Variants in FNDC1 observed in about 807,000 individuals in gnomAD.
FNDC1 encodes the protein fibronectin type III domain containing 1.
A neutral mutation model predicts 168.0 loss-of-function variants in FNDC1; 96 were observed. The observed-to-expected ratio is 0.57, with a 90% confidence interval of 0.48 to 0.68. The LOEUF (loss-of-function observed/expected upper bound fraction) is 0.68, where lower values mean the gene tolerates loss of function less well. FNDC1 is among the 30% of genes least tolerant of loss of function. The pLI is 0.00. For synonymous variants in FNDC1, 1,099 were observed against 1,025.9 expected, an observed-to-expected ratio of 1.07 and a Z score of -1.36; for missense variants, 2,587 against 2,482.1, an observed-to-expected ratio of 1.04 and a Z score of -0.90.
chr6:159,255,130 C>G (rs1583915563), intron 17 of FNDC1, among the ~76,000 whole-genome samples: 3 of 152,328 alleles, frequency 2.0e-5, no homozygotes, highest in Admixed American at 2.0e-4. Context: ...AACTGTCTTT[C>G]CCTTTCTTTT....
At chr6:159,225,048 C>T (rs73799339) in intron 7 of FNDC1, among the ~76,000 whole-genome samples, 7,953 of 152,200 alleles carry the variant, frequency 0.052, 728 homozygotes, top group African/African-American at 0.18. Flanking sequence ...CACATGTTCC[C>T]GTTCCTCCTG....
chr6:159,171,978 C>G (rs561212790), intron 1 of FNDC1, among the ~76,000 whole-genome samples: 3 of 152,078 alleles, frequency 2.0e-5, no homozygotes, highest in Non-Finnish European at 2.9e-5. Context: ...GGGTAAACTG[C>G]GGGTGTCTTA....
chr6:159,253,920 G>T (rs1220676487), intron 17 of FNDC1, among the ~76,000 whole-genome samples: 4 of 152,228 alleles, frequency 2.6e-5, no homozygotes, highest in Non-Finnish European at 5.9e-5. Flanking sequence ...CCCCTCTGGG[G>T]TGGGCCATTG....
intron 17 of FNDC1, 130 bp downstream of exon 17, chr6:159,251,662 A>G: frequency 1.3e-6 from 1 of 753,196 alleles, no homozygotes; most frequent in East Asian, 2.7e-5. Context: ...GATGAATGGG[A>G]TGATGGATAG....
At chr6:159,207,281 T>G (rs575796982) in intron 4 of FNDC1, among the ~76,000 whole-genome samples, 4 of 152,286 alleles carry the variant, frequency 2.6e-5, no homozygotes, top group African/African-American at 9.6e-5. Flanking sequence ...TGTGCTTATT[T>G]CAGAGGCTGA....
chr6:159,218,769 G>A (rs1477949578), intron 5 of FNDC1, among the ~76,000 whole-genome samples: 4 of 152,110 alleles, frequency 2.6e-5, no homozygotes, highest in Admixed American at 2.6e-4. Flanking sequence ...GTCAAAGGAG[G>A]CCCCACAGAG....
chr6:159,218,971 G>A (rs1357591901), intron 5 of FNDC1, among the ~76,000 whole-genome samples: 1 of 152,076 alleles, frequency 6.6e-6, no homozygotes, highest in Non-Finnish European at 1.5e-5. Context: ...GGCAAATGTG[G>A]TGGCACTGAC....
Position 159,233,657 on chromosome 6 carries a change from T to C in FNDC1, c.3145T>C (p.Ser1049Pro). 2 of 1,551,782 alleles carry C rather than the reference T, an allele frequency of 1.3e-6. No individual in the cohort carries two copies. Among genetic ancestry groups the C allele is most frequent in the Non-Finnish European group, 1.7e-6 (2 of 1,149,466 alleles). The change falls in exon 11 of 23, where the codon TCC becomes CCC. Residue 1049 changes from serine to proline, a missense_variant. Coordinates refer to ENST00000297267, the MANE Select transcript of FNDC1 (RefSeq NM_032532.3). This position sits in a 1 kb window ranked among gnomAD's most constrained non-coding sequence, Gnocchi z 4.6. ...GRPRPTSQGRSHSSSDPYTAS... is the reference protein window; with the variant it reads ...GRPRPTSQGRPHSSSDPYTAS... ...GCCCCGCCCCACGTCGCAGGGCCGC[T>C]CCCACTCCTCCTCGGACCCTTACAC...
intron 9 of FNDC1, 30 bp downstream of exon 9, chr6:159,226,610 TG>T (rs777067101): frequency 1.3e-6 from 2 of 1,520,412 alleles, no homozygotes; most frequent in South Asian, 2.4e-5. Flanking sequence ...AACTGTAAGA[TG>T]CATTGATTCT....
chr6:159,172,557 G>A (rs1781684077), intron 1 of FNDC1, among the ~76,000 whole-genome samples: 2 of 152,134 alleles, frequency 1.3e-5, no homozygotes, highest in South Asian at 4.1e-4. Flanking sequence ...ATTTGTAAAT[G>A]TCATCTCATA....
Position 159,272,006 on chromosome 6 carries a change from A to C in FNDC1, c.*564A>C, listed in dbSNP as rs575985370. ...AATAAATGTATCAAATCTTATTTGT[A>C]AATTCTCAATTTTGATATATATATG... is the stretch of plus-strand genomic sequence containing the variant. On this transcript the variant is annotated 3_prime_UTR_variant, in exon 23 of 23. Transcript: ENST00000297267. 2 of 153,134 alleles carry C rather than the reference A, an allele frequency of 1.3e-5. No individual in the cohort carries two copies. The highest frequency in any genetic ancestry group is 4.8e-5 in the African/African-American group (2 of 41,582). The allele number at this position is 153,134 out of a possible 1,614,324, so 9.5% of individuals were successfully genotyped here.
At position 159,229,865 on chromosome 6, in the gene FNDC1, C is replaced by T; in HGVS notation, c.1231C>T (p.Leu411Phe). 6.2e-7 allele frequency: 1 copy of T among 1,613,838 alleles called. No homozygotes were observed. Among genetic ancestry groups the T allele is most frequent in the South Asian group, 1.1e-5 (1 of 91,034 alleles). Residue 411 changes from leucine to phenylalanine, a missense_variant, in exon 10 of 23, where the codon CTC becomes TTC. Leu to Phe is a conservative substitution (Grantham distance 22). Transcript: ENST00000297267. ...PALKPFGAKS[L>F]TYPGDTTSAL... ...TCTCAAACCATTTGGAGCAAAGTCC[C>T]TCACCTATCCTGGAGACACTACTTC...
chr6:159,181,678 C>T (rs1397794149), intron 1 of FNDC1, among the ~76,000 whole-genome samples: 1 of 152,188 alleles, frequency 6.6e-6, no homozygotes, highest in Non-Finnish European at 1.5e-5. Context: ...GAGGACCTTG[C>T]CTGGCGGGCA....
intron 22 of FNDC1, among the ~76,000 whole-genome samples, chr6:159,268,723 C>T (rs62432340): frequency 6.7e-6 from 1 of 149,706 alleles, no homozygotes; most frequent in Non-Finnish European, 1.5e-5. Flanking sequence ...TTTATGCATC[C>T]ATCTATCTAT....
At chr6:159,231,810 A>G (rs750317469) in intron 10 of FNDC1, 72 bp from the exon 11 acceptor site, 256 of 1,325,602 alleles carry the variant, frequency 1.9e-4, no homozygotes, top group Non-Finnish European at 2.6e-4. Flanking sequence ...GCTGTTTTAA[A>G]TACTGTGTCT....
intron 22 of FNDC1, among the ~76,000 whole-genome samples, chr6:159,270,229 C>G (rs1777713622): frequency 6.6e-6 from 1 of 151,984 alleles, no homozygotes; most frequent in Non-Finnish European, 1.5e-5. Flanking sequence ...TTTTGTGGCC[C>G]CACTGCAAGA....
In FNDC1 at chr6:159,249,071, A is replaced by G; in HGVS notation, c.4723A>G (p.Thr1575Ala). 2 of 1,603,504 alleles carry G rather than the reference A, an allele frequency of 1.2e-6. No individual in the cohort carries two copies. ...YEFETSRPPTTTEPSTTATTP... is the reference protein window; with the variant it reads ...YEFETSRPPTATEPSTTATTP... ...ATTTGAGACGTCAAGGCCACCAACC[A>G]CCACTGAGCCTTCGACCACTGCTAC... The change falls in exon 16 of 23, where the codon ACC (threonine) becomes GCC (alanine). Residue 1575 changes from threonine to alanine, a missense_variant. Thr to Ala is a moderately conservative substitution (Grantham distance 58). Transcript: ENST00000297267.
At chr6:159,245,903 G>T (rs1354741191) in intron 14 of FNDC1, among the ~76,000 whole-genome samples, 1 of 30,944 alleles carries the variant, frequency 3.2e-5, no homozygotes, top group South Asian at 1.3e-3. Context: ...CGCCCACCAC[G>T]ACGCCCGGCT....
At chr6:159,263,834 A>G (rs1777541191) in intron 19 of FNDC1, among the ~76,000 whole-genome samples, 1 of 152,214 alleles carries the variant, frequency 6.6e-6, no homozygotes, top group African/African-American at 2.4e-5. Flanking sequence ...GCATGCCTGT[A>G]ATCTCAGCTA....
Sources: allele counts gnomAD v4.1 joint callset (sites outside exome capture counted in the v4.1 genomes callset), GRCh38; gene constraint gnomAD v4.1.1; non-coding constraint Gnocchi (gnomAD v3.1); transcripts MANE v1.5; gene names NCBI Gene and HGNC (gene_info 2026-07-23, HGNC 2026-07-21).